CASQ2: variants seen among roughly 807,000 people sequenced by gnomAD.
The protein encoded by CASQ2 is calsequestrin 2, also known as calsequestrin-2.
Under a neutral mutation model 46.5 loss-of-function variants are expected in CASQ2, and 49 were observed. The ratio of observed to expected loss-of-function variants is 1.05; its 90% confidence interval spans 0.84 to 1.34. The LOEUF (loss-of-function observed/expected upper bound fraction) is 1.34, where lower values mean the gene tolerates loss of function less well. CASQ2 is among the 40% of genes most tolerant of loss of function. The probability of loss-of-function intolerance (pLI) is 0.00; values close to 1 mark genes in which losing one functional copy is unlikely to be tolerated. For missense variants in CASQ2, 486 were observed against 481.3 expected, an observed-to-expected ratio of 1.01 and a Z score of -0.09; for synonymous variants, 174 against 168.5, an observed-to-expected ratio of 1.03 and a Z score of -0.25.
chr1:115,765,031 A>T (rs1401967420), intron 1 of CASQ2, among the ~76,000 whole-genome samples: 1 of 152,230 alleles, frequency 6.6e-6, no homozygotes, highest in East Asian at 1.9e-4. Flanking sequence ...GAGAGCCATC[A>T]GAATATTTGC....
At chr1:115,737,487 T>C (rs1160692767) in intron 4 of CASQ2, among the ~76,000 whole-genome samples, 1 of 152,164 alleles carries the variant, frequency 6.6e-6, no homozygotes, top group African/African-American at 2.4e-5. Flanking sequence ...TGTTCCTCTC[T>C]CCAAGGCTGA....
chr1:115,742,018 A>G (rs1006815069), intron 2 of CASQ2, among the ~76,000 whole-genome samples: 8 of 152,074 alleles, frequency 5.3e-5, no homozygotes, highest in Non-Finnish European at 1.2e-4. Context: ...CCATTTGTAA[A>G]TCAAAAGGAG....
intron 1 of CASQ2, among the ~76,000 whole-genome samples, chr1:115,758,695 T>A (rs1025575253): frequency 1.3e-5 from 2 of 152,192 alleles, no homozygotes; most frequent in African/African-American, 4.8e-5. Context: ...TGAGAGTTGG[T>A]TGTTAAAAAG....
intron 8 of CASQ2, among the ~76,000 whole-genome samples, chr1:115,707,682 A>G (rs947439620): frequency 1.3e-5 from 2 of 152,152 alleles, no homozygotes; most frequent in African/African-American, 4.8e-5. Context: ...TAGTACAAAG[A>G]CCACAAGGAG....
At chr1:115,716,732 C>T (rs569934136) in intron 8 of CASQ2, among the ~76,000 whole-genome samples, 5 of 152,332 alleles carry the variant, frequency 3.3e-5, no homozygotes, top group South Asian at 2.1e-4. Context: ...CCCACACCAT[C>T]GGCAGCAATC....
intron 8 of CASQ2, among the ~76,000 whole-genome samples, chr1:115,707,388 C>G (rs1261948805): frequency 6.6e-6 from 1 of 152,082 alleles, no homozygotes; most frequent in Non-Finnish European, 1.5e-5. Context: ...CCTCGGTGAT[C>G]TTTTAATCCG....
intron 1 of CASQ2, among the ~76,000 whole-genome samples, chr1:115,763,919 C>A (rs1002258633): frequency 5.9e-5 from 9 of 152,196 alleles, no homozygotes; most frequent in Admixed American, 2.0e-4. Flanking sequence ...AACTGAATTA[C>A]CTGCCCATGT....
At chr1:115,714,319 T>G (rs1205497062) in intron 8 of CASQ2, among the ~76,000 whole-genome samples, 3 of 152,220 alleles carry the variant, frequency 2.0e-5, no homozygotes, top group Admixed American at 2.0e-4. Context: ...TGAATTTGAA[T>G]CTTGGCTTAG....
At chr1:115,726,199 TA>T (rs1647583280) in intron 6 of CASQ2, among the ~76,000 whole-genome samples, 1 of 152,136 alleles carries the variant, frequency 6.6e-6, no homozygotes, top group African/African-American at 2.4e-5. Flanking sequence ...ACATGCCAGG[TA>T]GGGTGGAGGG....
In CASQ2 at chr1:115,701,324, C is replaced by T; in HGVS notation, c.1117G>A (p.Glu373Lys). ...TCATCATCATCTTCATCATCATCTTCAGTGTTTATCTTTCCAGAAAGCACA... is the reference window on the plus strand; with the variant it reads ...TCATCATCATCTTCATCATCATCTTTAGTGTTTATCTTTCCAGAAAGCACA... ...EDVLSGKINT[E>K]DDDEDDDDDD... Residue 373 changes from glutamate to lysine, a missense_variant, in exon 11 of 11, where the codon GAA becomes AAA. Physicochemically the swap from Glu to Lys is moderately conservative, Grantham distance 56. Transcript: ENST00000261448. 1 of 1,608,792 alleles carries T rather than the reference C, an allele frequency of 6.2e-7. No homozygotes were observed. Among genetic ancestry groups the T allele is most frequent in the East Asian group, 2.2e-5 (1 of 44,848 alleles).
intron 8 of CASQ2, among the ~76,000 whole-genome samples, chr1:115,714,903 G>A (rs1477012267): frequency 6.6e-6 from 1 of 152,232 alleles, no homozygotes; most frequent in African/African-American, 2.4e-5. Context: ...TTCAGGCCCA[G>A]GGATATTTGT....
intron 7 of CASQ2, among the ~76,000 whole-genome samples, chr1:115,720,165 A>C (rs1020900576): frequency 1.3e-5 from 2 of 152,160 alleles, no homozygotes; most frequent in African/African-American, 2.4e-5. Flanking sequence ...TCGGGCTGCT[A>C]TAACAACATA....
intron 1 of CASQ2, among the ~76,000 whole-genome samples, chr1:115,767,244 T>C (rs12563940): frequency 0.33 from 49,596 of 152,128 alleles, 8,291 homozygotes; most frequent in East Asian, 0.53. Flanking sequence ...CCCTGCTTTC[T>C]CTTTTCTTGC....
At chr1:115,719,259 C>T (rs1402884788) in intron 7 of CASQ2, among the ~76,000 whole-genome samples, 3 of 109,126 alleles carry the variant, frequency 2.7e-5, no homozygotes, top group Non-Finnish European at 5.5e-5. Flanking sequence ...CTGTGTGTGC[C>T]GGCTTATTAC....
At chr1:115,764,768 C>T (rs1384431418) in intron 1 of CASQ2, among the ~76,000 whole-genome samples, 1 of 152,172 alleles carries the variant, frequency 6.6e-6, no homozygotes, top group Non-Finnish European at 1.5e-5. Flanking sequence ...TTTGCTGCCT[C>T]CTGGTGTCAT....
intron 7 of CASQ2, among the ~76,000 whole-genome samples, chr1:115,725,190 C>A (rs1209653410): frequency 6.6e-6 from 1 of 152,084 alleles, no homozygotes; most frequent in Admixed American, 6.5e-5. Flanking sequence ...CCTCAGCCTC[C>A]CAAGTAGCTG....
intron 8 of CASQ2, among the ~76,000 whole-genome samples, chr1:115,710,122 G>A (rs982493618): frequency 7.2e-5 from 11 of 152,274 alleles, no homozygotes; most frequent in South Asian, 6.2e-4. Context: ...GGGATTATAG[G>A]CGAAAGCCAC....
chr1:115,767,947 A>G (rs1649189333), intron 1 of CASQ2, among the ~76,000 whole-genome samples: 1 of 152,184 alleles, frequency 6.6e-6, no homozygotes, highest in African/African-American at 2.4e-5. Context: ...AATGAAATCC[A>G]CAAGTAGTCC....
intron 1 of CASQ2, among the ~76,000 whole-genome samples, chr1:115,767,774 A>G (rs1649180443): frequency 6.6e-6 from 1 of 152,212 alleles, no homozygotes; most frequent in Non-Finnish European, 1.5e-5. Flanking sequence ...TGCTCAGAAG[A>G]TCTGCACACA....
Sources: gnomAD v4.1 joint callset for allele counts (sites outside exome capture counted in the v4.1 genomes callset) on GRCh38, gnomAD v4.1.1 for gene constraint, MANE v1.5 for transcripts, NCBI Gene and HGNC (gene_info 2026-07-23, HGNC 2026-07-21) for gene names.